Variants in SGMS2 observed in about 807,000 individuals in gnomAD.
SGMS2 encodes sphingomyelin synthase 2.
SGMS2 carries 21 observed loss-of-function variants against 43.8 expected under a neutral mutation model. The ratio of observed to expected loss-of-function variants is 0.48; its 90% CI spans 0.34 to 0.69. SGMS2 has a LOEUF of 0.69. Ranked by LOEUF, SGMS2 falls within the 30% of genes least tolerant of loss-of-function variation. The pLI is 0.01. For missense variants in SGMS2, 384 were observed against 443.2 expected, an observed-to-expected ratio of 0.87 and a Z score of 1.20; for synonymous variants, 167 against 160.6, an observed-to-expected ratio of 1.04 and a Z score of -0.30.
chr4:107,840,755 G>A (rs1029591748), intron 1 of SGMS2, among the ~76,000 whole-genome samples: 4 of 152,096 alleles, frequency 2.6e-5, no homozygotes, highest in Non-Finnish European at 4.4e-5. Context: ...TTTTGGGCAG[G>A]TTATGCTCTA....
Position 107,895,956 on chromosome 4 carries a change from G to T in SGMS2, c.403G>T (p.Gly135Trp). ...GGCATTTTCTGTATCAGAAATAAAT[G>T]GGATTATATTAGTTGGATTATGGAT... ...KWAFSVSEIN[G>W]IILVGLWITQ... Residue 135 changes from glycine to tryptophan, a missense_variant, in exon 3 of 7, where the codon GGG becomes TGG. Gly to Trp is a radical substitution (Grantham distance 184). Transcript: ENST00000690982. The T allele has an allele frequency of 1.2e-6, 2 of 1,613,912 alleles. No homozygotes were observed. Among genetic ancestry groups the T allele is most frequent in the Non-Finnish European group, 1.7e-6 (2 of 1,179,896 alleles).
intron 3 of SGMS2, 141 bp from the exon 4 acceptor site, chr4:107,899,434 A>G (rs953742191): frequency 1.7e-6 from 1 of 586,804 alleles, no homozygotes; most frequent in Admixed American, 3.1e-5. Flanking sequence ...GTAAGCCTTT[A>G]AACTCTGTGA....
chr4:107,879,376 A>AAAGG (rs1482334029), intron 2 of SGMS2, among the ~76,000 whole-genome samples: 1 of 152,136 alleles, frequency 6.6e-6, no homozygotes, highest in Non-Finnish European at 1.5e-5. Flanking sequence ...ACAACACTTT[A>AAAGG]AAGGGATAAG....
At chr4:107,908,152 C>G (rs1453261974) in intron 5 of SGMS2, 2 of 158,790 alleles carry the variant, frequency 1.3e-5, no homozygotes, top group African/African-American at 2.4e-5. Flanking sequence ...CCCATTTCCC[C>G]CCTTATTTTC....
chr4:107,858,875 A>G (rs1307347076), intron 2 of SGMS2, among the ~76,000 whole-genome samples: 1 of 152,226 alleles, frequency 6.6e-6, no homozygotes, highest in Non-Finnish European at 1.5e-5. Flanking sequence ...TTACTGCCAA[A>G]AGAGAGCACT....
intron 1 of SGMS2, among the ~76,000 whole-genome samples, chr4:107,840,128 T>A (rs780895058): frequency 6.6e-6 from 1 of 152,228 alleles, no homozygotes; most frequent in Non-Finnish European, 1.5e-5. Context: ...TATACACATA[T>A]GCACATACAT....
intron 1 of SGMS2, among the ~76,000 whole-genome samples, chr4:107,836,463 T>G (rs1362480149): frequency 6.6e-6 from 1 of 152,178 alleles, no homozygotes; most frequent in Non-Finnish European, 1.5e-5. Flanking sequence ...CTTCGATTTG[T>G]GAATATCAAT....
intron 2 of SGMS2, chr4:107,867,852 G>A (rs1003146557): frequency 1.3e-5 from 2 of 152,042 alleles, no homozygotes; most frequent in African/African-American, 4.8e-5. Flanking sequence ...CCTTGTGCGG[G>A]GGCCATGCTA....
chr4:107,876,113 T>C (rs1011045931), intron 2 of SGMS2, among the ~76,000 whole-genome samples: 1 of 152,222 alleles, frequency 6.6e-6, no homozygotes, highest in African/African-American at 2.4e-5. Context: ...TCAGGCTGTA[T>C]TAAGCTATTT....
At chr4:107,846,094 G>A (rs371649124) in intron 1 of SGMS2, among the ~76,000 whole-genome samples, 10 of 151,964 alleles carry the variant, frequency 6.6e-5, no homozygotes, top group African/African-American at 2.2e-4. Flanking sequence ...CTAACTAGGG[G>A]TGTGGAAAGC....
At position 107,825,300 on chromosome 4, in the gene SGMS2, G is replaced by A. The variant is rs951846980; in HGVS notation, c.-327+47G>A. ...CAGGAGGAGGATGGGCTGGGGAGCGGAGAGTCCTCCGAAGCGCGGGAGGGG... is the reference window on the plus strand; with the variant it reads ...CAGGAGGAGGATGGGCTGGGGAGCGAAGAGTCCTCCGAAGCGCGGGAGGGG... On this transcript the variant is annotated intron_variant, in intron 1 of 6. Coordinates refer to ENST00000690982, the MANE Select transcript of SGMS2 (RefSeq NM_001375905.1). 6.6e-5 allele frequency: 10 copies of A among 152,590 alleles called. No homozygotes were observed. The East Asian group carries it at 1.9e-3, about 30-fold the overall frequency. 9.5% of individuals were successfully genotyped at this position (152,590 alleles called of 1,614,324 possible).
At chr4:107,861,350 G>A (rs1440000199) in intron 2 of SGMS2, among the ~76,000 whole-genome samples, 1 of 152,146 alleles carries the variant, frequency 6.6e-6, no homozygotes, top group East Asian at 1.9e-4. Flanking sequence ...GATTTCCCAA[G>A]ACCTAAATTC....
At chr4:107,895,227 C>A in intron 2 of SGMS2, 83 bp from the exon 3 acceptor site, 1 of 245,914 alleles carries the variant, frequency 4.1e-6, no homozygotes, top group Non-Finnish European at 7.8e-6. Flanking sequence ...GTATTTGTTT[C>A]CTTAGTTTAA....
chr4:107,908,783 C>A (rs1399318707), intron 6 of SGMS2, 52 bp downstream of exon 6: 1 of 1,534,680 alleles, frequency 6.5e-7, no homozygotes, highest in Non-Finnish European at 8.9e-7. Context: ...ATGCAGTGGA[C>A]CCTTTTCATG....
intron 2 of SGMS2, among the ~76,000 whole-genome samples, chr4:107,879,478 T>TTTC (rs35727642): frequency 1.0e-3 from 150 of 150,070 alleles, no homozygotes; most frequent in South Asian, 5.9e-3. Context: ...TTTTTTTTTT[T>TTTC]CGAGACCGAG....
At chr4:107,896,118 CA>C in intron 3 of SGMS2, 110 bp downstream of exon 3, 1 of 976,700 alleles carries the variant, frequency 1.0e-6, no homozygotes, top group Non-Finnish European at 1.5e-6. Context: ...CAGTCTTACC[CA>C]AACATTTGAT....
Position 107,895,817 on chromosome 4 carries a change from C to T in SGMS2, c.264C>T (p.Phe88=). ...KTGIAFIYAV[F]NLVLTTVMIT... ...GCATTGCCTTCATATATGCAGTTTTCAACCTCGTCTTGACAACCGTCATGA... is the reference window on the plus strand; with the variant it reads ...GCATTGCCTTCATATATGCAGTTTTTAACCTCGTCTTGACAACCGTCATGA... The change falls in exon 3 of 7, where the codon TTC becomes TTT. Residue 88 remains phenylalanine, a synonymous_variant. Coordinates refer to ENST00000690982, the MANE Select transcript of SGMS2 (RefSeq NM_001375905.1). The T allele has an allele frequency of 6.2e-7, 1 of 1,613,990 alleles. No individual in the cohort carries two copies. Among genetic ancestry groups the T allele is most frequent in the Non-Finnish European group, 8.5e-7 (1 of 1,179,934 alleles).
chr4:107,856,642 A>C (rs1727446007), intron 1 of SGMS2, among the ~76,000 whole-genome samples: 1 of 152,192 alleles, frequency 6.6e-6, no homozygotes, highest in Non-Finnish European at 1.5e-5. Context: ...TGAAACGAGA[A>C]AAACATCCTC....
At chr4:107,840,236 A>G (rs1726423329) in intron 1 of SGMS2, among the ~76,000 whole-genome samples, 1 of 152,234 alleles carries the variant, frequency 6.6e-6, no homozygotes, top group Admixed American at 6.5e-5. Context: ...AAGCAAGTCA[A>G]AAGAACTTTT....
Sources: gnomAD v4.1 joint callset for allele counts (sites outside exome capture counted in the v4.1 genomes callset) on GRCh38, gnomAD v4.1.1 for gene constraint, MANE v1.5 for transcripts, NCBI Gene and HGNC (gene_info 2026-07-23, HGNC 2026-07-21) for gene names.